CACNA1I: variants seen among roughly 807,000 people sequenced by gnomAD.
CACNA1I encodes the protein voltage-dependent T-type calcium channel subunit alpha-1I.
A neutral mutation model predicts 201.6 loss-of-function variants in CACNA1I; 74 were observed. That is an observed-to-expected ratio of 0.37 (90% CI 0.30 to 0.45). CACNA1I has a LOEUF of 0.45. Among genes scored for constraint, CACNA1I ranks in the 20% least tolerant of loss-of-function variants. The pLI is 1.00. For missense variants in CACNA1I, 2,346 were observed against 3,138.1 expected (o/e 0.75, Z 6.03); for synonymous variants, 1,431 against 1,345.2 (o/e 1.06, Z -1.40).
chr22:39,664,457 G>A (rs893657035), intron 20 of CACNA1I, among the ~76,000 whole-genome samples: 3 of 152,110 alleles, frequency 2.0e-5, no homozygotes, highest in African/African-American at 7.2e-5. Flanking sequence ...CGTCTGGGGC[G>A]CTTCCCAGGG....
intron 3 of CACNA1I, among the ~76,000 whole-genome samples, chr22:39,615,811 A>G (rs979451129): frequency 6.6e-6 from 1 of 152,186 alleles, no homozygotes; most frequent in Non-Finnish European, 1.5e-5. Context: ...CATGAAGTGG[A>G]GAAGTGAGAG....
At position 39,665,669 on chromosome 22, in the gene CACNA1I, G is replaced by A. The variant is rs1346855825; in HGVS notation, c.3978+45G>A. 6.2e-7 allele frequency: 1 copy of A among 1,600,746 alleles called. No individual in the cohort carries two copies. Among genetic ancestry groups the A allele is most frequent in the African/African-American group, 1.3e-5 (1 of 74,786 alleles). On this transcript the variant is annotated intron_variant, in intron 22 of 36. Coordinates refer to ENST00000402142, the MANE Select transcript of CACNA1I (RefSeq NM_021096.4). The surrounding 1 kb of genome is among the most constrained non-coding windows in gnomAD (Gnocchi z 5.5). Reference sequence around the variant, plus strand: ...GGCAGGGACTGGGCTCTGTGACTGGGGAAAAGGAAGTCTCAGACAGCCAGG... The same window carrying A: ...GGCAGGGACTGGGCTCTGTGACTGGAGAAAAGGAAGTCTCAGACAGCCAGG...
intron 24 of CACNA1I, among the ~76,000 whole-genome samples, chr22:39,669,045 C>T (rs1935285581): frequency 6.6e-6 from 1 of 152,120 alleles, no homozygotes; most frequent in South Asian, 2.1e-4. Flanking sequence ...CCCTGAGTAG[C>T]AGGGGTCCCT....
At chr22:39,682,426 G>A in intron 34 of CACNA1I, 70 bp from the exon 35 acceptor site, 1 of 1,349,202 alleles carries the variant, frequency 7.4e-7, no homozygotes, top group South Asian at 1.3e-5. Context: ...CGTGGAGCAG[G>A]TCATGAGGTA....
At position 39,689,602 on chromosome 22, in the gene CACNA1I, A is replaced by G. The variant is rs528842737; in HGVS notation, c.*3197A>G. On this transcript the variant is annotated 3_prime_UTR_variant, in exon 37 of 37. Coordinates refer to ENST00000402142, the MANE Select transcript of CACNA1I (RefSeq NM_021096.4). Reference sequence around the variant, plus strand: ...CACTCTCAGTCGCTGTACAGTTTCTATGGTGTGAATGAACTTCCCTCCTAG... The same window carrying G: ...CACTCTCAGTCGCTGTACAGTTTCTGTGGTGTGAATGAACTTCCCTCCTAG... The G allele has an allele frequency of 2.6e-5, 4 of 152,818 alleles. No individual in the cohort carries two copies. The South Asian group carries it at 8.3e-4, about 32-fold the overall frequency. 9.5% of individuals were successfully genotyped at this position (152,818 alleles called of 1,614,324 possible).
At chr22:39,647,480 C>T (rs1002337447) in intron 8 of CACNA1I, among the ~76,000 whole-genome samples, 1 of 152,244 alleles carries the variant, frequency 6.6e-6, no homozygotes, top group East Asian at 1.9e-4. Context: ...GACACAAACA[C>T]AGCTTACTGC....
intron 24 of CACNA1I, among the ~76,000 whole-genome samples, chr22:39,669,699 GTGGA>G (rs1200954627): frequency 1.3e-5 from 2 of 151,822 alleles, no homozygotes; most frequent in Non-Finnish European, 2.9e-5. Flanking sequence ...TGGATGGGTG[GTGGA>G]TGGATGGGTG....
chr22:39,618,809 G>A (rs796865837), intron 3 of CACNA1I, among the ~76,000 whole-genome samples: 25 of 152,232 alleles, frequency 1.6e-4, no homozygotes, highest in African/African-American at 5.5e-4. Flanking sequence ...TGCTTCCACC[G>A]TGAAGGGACC....
chr22:39,597,984 G>A (rs1932928199), intron 1 of CACNA1I, among the ~76,000 whole-genome samples, 167 bp from the exon 2 acceptor site: 1 of 152,276 alleles, frequency 6.6e-6, no homozygotes, highest in Non-Finnish European at 1.5e-5. Flanking sequence ...GGGGCAGACT[G>A]GCACCACGGG....
At chr22:39,650,289 C>G (rs1389503146) in intron 10 of CACNA1I, among the ~76,000 whole-genome samples, 1 of 150,854 alleles carries the variant, frequency 6.6e-6, no homozygotes, top group African/African-American at 2.4e-5. Context: ...CACCTGAGCC[C>G]TTCTGTTTTC....
At chr22:39,571,664 G>C (rs1375690554) in intron 1 of CACNA1I, among the ~76,000 whole-genome samples, 2 of 152,158 alleles carry the variant, frequency 1.3e-5, no homozygotes, top group Non-Finnish European at 2.9e-5. Flanking sequence ...CCCCCTGTCT[G>C]AAAAGCTTTT....
intron 4 of CACNA1I, among the ~76,000 whole-genome samples, chr22:39,628,965 C>A (rs1933974655): frequency 6.6e-6 from 1 of 152,158 alleles, no homozygotes. Flanking sequence ...ACACCCCAAA[C>A]CTCCAGGGGT....
At chr22:39,594,880 C>T (rs1431427758) in intron 1 of CACNA1I, among the ~76,000 whole-genome samples, 1 of 152,176 alleles carries the variant, frequency 6.6e-6, no homozygotes, top group Non-Finnish European at 1.5e-5. Flanking sequence ...ATGCCTGAAG[C>T]CACAAATAGC....
chr22:39,586,813 C>T (rs1932758840), intron 1 of CACNA1I, among the ~76,000 whole-genome samples: 1 of 152,196 alleles, frequency 6.6e-6, no homozygotes, highest in African/African-American at 2.4e-5. Context: ...CGAGCCCTCA[C>T]CCTCTCAGTT....
At chr22:39,647,741 G>A (rs186340196) in intron 8 of CACNA1I, 81 bp from the exon 9 acceptor site, 5 of 984,002 alleles carry the variant, frequency 5.1e-6, no homozygotes, top group Admixed American at 1.7e-5. Flanking sequence ...CTTGGAAGGG[G>A]CTGCCCTGTT....
Position 39,665,379 on chromosome 22 carries a change from TG to T in CACNA1I, c.3852-117del. 1 of 1,217,612 alleles carries T rather than the reference TG, an allele frequency of 8.2e-7. No homozygotes were observed. Among genetic ancestry groups the T allele is most frequent in the Non-Finnish European group, 1.1e-6 (1 of 874,200 alleles). 75.4% of individuals were successfully genotyped at this position (1,217,612 alleles called of 1,614,324 possible). ...CCTCATGCCCCAGGGTGTTCAGCCC[TG>T]GTGAGCCCTGGGGACTCATGCCCTG... On this transcript the variant is annotated intron_variant, in intron 21 of 36. Coordinates refer to ENST00000402142, the MANE Select transcript of CACNA1I (RefSeq NM_021096.4). The surrounding 1 kb of genome is among the most constrained non-coding windows in gnomAD (Gnocchi z 5.5).
intron 4 of CACNA1I, among the ~76,000 whole-genome samples, chr22:39,621,874 G>A (rs567056326): frequency 6.6e-6 from 1 of 152,154 alleles, no homozygotes; most frequent in East Asian, 1.9e-4. Context: ...GCCATTTTAG[G>A]GCCAGCTTCT....
At chr22:39,571,206 G>A (rs543132369) in intron 1 of CACNA1I, 13 of 590,644 alleles carry the variant, frequency 2.2e-5, no homozygotes, top group Non-Finnish European at 1.2e-5. Flanking sequence ...GGTTCTGGAA[G>A]TTGCTGGTGG....
chr22:39,670,207 G>A lies in CACNA1I; in HGVS notation c.4364G>A (p.Arg1455Gln), dbSNP rs765332484. ...CGGCGGCGTGAGGAGAAGCGGCTGC[G>A]GCGCCTGGAGAAGAAGCGCCGGAGT... ...EARRREEKRLRRLEKKRRKAQ... is the reference protein window; with the variant it reads ...EARRREEKRLQRLEKKRRKAQ... The change falls in exon 25 of 37, where the codon CGG (arginine) becomes CAG (glutamine). Residue 1455 changes from arginine to glutamine, a missense_variant. By Grantham distance (43) the Arg-to-Gln change is conservative (BLOSUM62 1). Coordinates refer to ENST00000402142, the MANE Select transcript of CACNA1I (RefSeq NM_021096.4). 1.9e-5 allele frequency: 31 copies of A among 1,613,340 alleles called. No homozygotes were observed. Among genetic ancestry groups the A allele is most frequent in the Admixed American group, 3.3e-5 (2 of 60,026 alleles).
Sources: gnomAD v4.1 joint callset for allele counts (sites outside exome capture counted in the v4.1 genomes callset) on GRCh38, gnomAD v4.1.1 for gene constraint, Gnocchi (gnomAD v3.1) non-coding constraint, MANE v1.5 for transcripts, NCBI Gene and HGNC (gene_info 2026-07-23, HGNC 2026-07-21) for gene names.